The following GFOD2 variants were observed in gnomAD, a reference collection of about 807,000 sequenced individuals.
GFOD2 encodes the protein Gfo/Idh/MocA-like oxidoreductase domain containing 2.
A neutral mutation model predicts 24.6 loss-of-function variants in GFOD2; 9 were observed. That is an observed-to-expected ratio of 0.37 (90% CI 0.22 to 0.64). The LOEUF (loss-of-function observed/expected upper bound fraction) is 0.64. Ranked by LOEUF, GFOD2 falls within the 30% of genes least tolerant of loss-of-function variation. The pLI, the probability that GFOD2 is intolerant of heterozygous loss-of-function variation, is 0.65. For synonymous variants in GFOD2, 211 were observed against 224.8 expected (o/e 0.94, Z 0.55); for missense variants, 476 against 532.5 (o/e 0.89, Z 1.04).
chr16:67,706,934 C>T (rs969610253), intron 1 of GFOD2, among the ~76,000 whole-genome samples: 6 of 151,834 alleles, frequency 4.0e-5, no homozygotes, highest in Non-Finnish European at 8.8e-5. Context: ...TGGTGGGCAC[C>T]TGTAGTCCCA....
intron 1 of GFOD2, among the ~76,000 whole-genome samples, chr16:67,707,034 G>A (rs1203061465): frequency 6.6e-6 from 1 of 150,928 alleles, no homozygotes; most frequent in Non-Finnish European, 1.5e-5. Flanking sequence ...ACTCCAGCCT[G>A]GGCAACAGAG....
rs1157509240 is a variant in GFOD2, at chr16:67,675,569, C to A, written c.744G>T (p.Val248=). The A allele has an allele frequency of 1.2e-6, 2 of 1,613,426 alleles. No individual in the cohort carries two copies. The highest frequency in any genetic ancestry group is 2.7e-5 in the African/African-American group (2 of 74,952). ...CAGAGCCTACCACCATGACTTCATG[C>A]ACAAAGGCGCCTGGCATGTTGAAGT... is the stretch of plus-strand genomic sequence containing the variant. The part of the protein sequence containing the change: ...TLNFNMPGAF[V]HEVMVVGSAG... The change falls in exon 3 of 3, where the codon GTG becomes GTT. Residue 248 remains valine (V), a synonymous_variant. Coordinates refer to ENST00000268797, the MANE Select transcript of GFOD2 (RefSeq NM_030819.4).
chr16:67,692,172 G>T (rs1218063307), intron 1 of GFOD2, among the ~76,000 whole-genome samples: 1 of 150,000 alleles, frequency 6.7e-6, no homozygotes, highest in Non-Finnish European at 1.5e-5. Context: ...ACCCACTGGG[G>T]TTCTCTGCAA....
At chr16:67,679,049 CCCAGCTACTTGGG>C (rs1259325287) in intron 2 of GFOD2, among the ~76,000 whole-genome samples, 4 of 152,000 alleles carry the variant, frequency 2.6e-5, no homozygotes, top group African/African-American at 9.7e-5. Context: ...TACCTGTAGC[CCCAGCTACTTGGG>C]AGACTGAGGT....
In GFOD2 at chr16:67,719,272, C is replaced by T. The variant is rs1295879837; in HGVS notation, c.-197G>A. 1 of 152,172 alleles carries T rather than the reference C, an allele frequency of 6.6e-6. No homozygotes were observed. Among genetic ancestry groups the T allele is most frequent in the African/African-American group, 2.4e-5 (1 of 41,452 alleles). The allele number at this position is 152,172 out of a possible 1,614,324, so 9.4% of individuals were successfully genotyped here. A position where few individuals can be genotyped will look rare whatever the true frequency, so the allele number is the denominator to read the frequency against. Reference sequence around the variant, plus strand: ...GAAGGCTGGCGGGGATGCGCGGGCCCGGGAGTCCAGGGCGCCGCCACCGGG... The same window carrying T: ...GAAGGCTGGCGGGGATGCGCGGGCCTGGGAGTCCAGGGCGCCGCCACCGGG... On this transcript the variant is annotated 5_prime_UTR_variant, in exon 1 of 3. Coordinates refer to ENST00000268797, the MANE Select transcript of GFOD2 (RefSeq NM_030819.4).
intron 1 of GFOD2, among the ~76,000 whole-genome samples, chr16:67,712,327 T>C (rs932365110): frequency 1.0e-5 from 1 of 95,990 alleles, no homozygotes; most frequent in African/African-American, 3.9e-5. Context: ...GGTCTCCCTC[T>C]GATGCCGAGC....
intron 1 of GFOD2, among the ~76,000 whole-genome samples, chr16:67,692,808 C>T (rs1225432240): frequency 2.0e-5 from 3 of 151,064 alleles, no homozygotes; most frequent in African/African-American, 7.3e-5. Flanking sequence ...GGGCGAATCA[C>T]GAGGTCAGGA....
intron 1 of GFOD2, among the ~76,000 whole-genome samples, chr16:67,716,096 T>A (rs2142998139): frequency 6.6e-6 from 1 of 152,368 alleles, no homozygotes; most frequent in South Asian, 2.1e-4. Flanking sequence ...GTTAGTGGTC[T>A]CTCTGATCCT....
At chr16:67,710,328 C>T (rs969869654) in intron 1 of GFOD2, among the ~76,000 whole-genome samples, 6 of 151,146 alleles carry the variant, frequency 4.0e-5, no homozygotes, top group Admixed American at 2.6e-4. Context: ...CCATGTTGGC[C>T]GGGCTGGTCT....
At chr16:67,712,573 T>G (rs2053482962) in intron 1 of GFOD2, among the ~76,000 whole-genome samples, 3 of 73,578 alleles carry the variant, frequency 4.1e-5, no homozygotes, top group African/African-American at 7.1e-5. Context: ...GCAGATGGAG[T>G]CTCGTTCACT....
intron 1 of GFOD2, among the ~76,000 whole-genome samples, chr16:67,710,415 A>G (rs1054030839): frequency 1.3e-5 from 2 of 152,034 alleles, no homozygotes; most frequent in Admixed American, 6.6e-5. Context: ...GAAGTGGAGA[A>G]GTGCAGTGGT....
chr16:67,685,918 C>G, intron 1 of GFOD2, 116 bp from the exon 2 acceptor site: 2 of 570,906 alleles, frequency 3.5e-6, no homozygotes, highest in East Asian at 5.8e-5. Flanking sequence ...TGCAGTGGTG[C>G]GAAGGCTACT....
intron 1 of GFOD2, among the ~76,000 whole-genome samples, chr16:67,687,416 G>A (rs182771781): frequency 1.8e-4 from 27 of 151,652 alleles, no homozygotes; most frequent in African/African-American, 5.8e-4. Flanking sequence ...CGAGGCGGGC[G>A]GATCACGAGG....
chr16:67,713,163 C>T (rs190001714), intron 1 of GFOD2, among the ~76,000 whole-genome samples: 2 of 151,538 alleles, frequency 1.3e-5, no homozygotes, highest in East Asian at 1.9e-4. Context: ...GGATTACAGG[C>T]GTGAGCCGCC....
At chr16:67,704,965 T>G (rs2053429347) in intron 1 of GFOD2, among the ~76,000 whole-genome samples, 2 of 152,352 alleles carry the variant, frequency 1.3e-5, no homozygotes, top group South Asian at 4.1e-4. Context: ...CAGTAGTTTA[T>G]GGAGTATATC....
chr16:67,704,932 C>T (rs1280658471), intron 1 of GFOD2, among the ~76,000 whole-genome samples: 1 of 152,232 alleles, frequency 6.6e-6, no homozygotes, highest in East Asian at 1.9e-4. Flanking sequence ...GCCTCTGCTC[C>T]ACAATGCCTC....
rs1167009305 is a variant in GFOD2, at chr16:67,675,645, C to G, written c.668G>C (p.Cys223Ser). Reference protein sequence around the residue: ...GIRHVTSDDFCFFQMLMGGGV... With the variant: ...GIRHVTSDDFSFFQMLMGGGV... ...CCCACCCATGAGCATCTGGAAGAAA[C>G]AGAAGTCATCGCTAGTGACGTGCCG... The change falls in exon 3 of 3, where the codon TGT becomes TCT. Residue 223 changes from cysteine (C) to serine (S), a missense_variant. Coordinates refer to ENST00000268797, the MANE Select transcript of GFOD2 (RefSeq NM_030819.4). 5 of 1,613,338 alleles carry G rather than the reference C, an allele frequency of 3.1e-6. No homozygotes were observed. The East Asian group carries it at 6.7e-5, about 22-fold the overall frequency.
chr16:67,681,107 G>C, intron 2 of GFOD2: 2 of 985,458 alleles, frequency 2.0e-6, no homozygotes, highest in Non-Finnish European at 2.4e-6. Context: ...CAGTTCTGGG[G>C]GTGAATTTTG....
intron 1 of GFOD2, among the ~76,000 whole-genome samples, chr16:67,689,541 T>A (rs943680857): frequency 6.6e-6 from 1 of 151,658 alleles, no homozygotes; most frequent in Non-Finnish European, 1.5e-5. Flanking sequence ...CGTGGTGGCA[T>A]GTGCCTGTAA....
Sources: allele counts gnomAD v4.1 joint callset (sites outside exome capture counted in the v4.1 genomes callset), GRCh38; gene constraint gnomAD v4.1.1; transcripts MANE v1.5; gene names NCBI Gene and HGNC (gene_info 2026-07-23, HGNC 2026-07-21).